Variants in LDLRAD4 observed in about 807,000 individuals in gnomAD.
LDLRAD4 encodes low density lipoprotein receptor class A domain containing 4.
Under a neutral mutation model 17.0 loss-of-function variants are expected in LDLRAD4, and 5 were observed. The ratio of observed to expected loss-of-function variants is 0.29; its 90% confidence interval spans 0.15 to 0.62. The LOEUF is 0.62. Among genes scored for constraint, LDLRAD4 ranks in the 20% least tolerant of loss-of-function variants. The pLI, the probability that LDLRAD4 is intolerant of heterozygous loss-of-function variation, is 0.84. For synonymous variants in LDLRAD4, 168 were observed against 171.8 expected (o/e 0.98, Z 0.17); for missense variants, 340 against 424.7 (o/e 0.80, Z 1.75).
chr18:13,247,303 T>A (rs1021683745), intron 1 of LDLRAD4, among the ~76,000 whole-genome samples: 2 of 152,250 alleles, frequency 1.3e-5, no homozygotes, highest in South Asian at 2.1e-4. Flanking sequence ...CCCTGCTTCC[T>A]GTAAAGGCAT....
At chr18:13,282,709 G>A (rs117199103) in intron 1 of LDLRAD4, among the ~76,000 whole-genome samples, 7,287 of 152,228 alleles carry the variant, frequency 0.048, 286 homozygotes, top group East Asian at 0.19. Context: ...CCAGGCACAC[G>A]GTACAGGCTG....
chr18:13,413,915 T>A (rs561333297), intron 2 of LDLRAD4, among the ~76,000 whole-genome samples: 113 of 150,362 alleles, frequency 7.5e-4, no homozygotes, highest in Admixed American at 1.3e-3. Context: ...AAAAAAAAAT[T>A]TTTTTTTAAA....
intron 2 of LDLRAD4, among the ~76,000 whole-genome samples, chr18:13,424,070 G>A (rs1352516535): frequency 1.3e-5 from 2 of 152,128 alleles, no homozygotes; most frequent in African/African-American, 2.4e-5. Context: ...GGGAGGTAGA[G>A]GTTGCAATGA....
chr18:13,344,398 C>A (rs1232476708), intron 1 of LDLRAD4, among the ~76,000 whole-genome samples: 1 of 152,012 alleles, frequency 6.6e-6, no homozygotes, highest in Admixed American at 6.6e-5. Context: ...GTTGTAGATG[C>A]GTGGCATTAT....
At chr18:13,277,607 C>A (rs118019060), upstream of LDLRAD4, among the ~76,000 whole-genome samples, 753 of 152,362 alleles carry the variant, frequency 4.9e-3, 4 homozygotes, top group Non-Finnish European at 6.3e-3. Context: ...TGCTAGAGGG[C>A]TTGCCTCTTC....
chr18:13,281,451 T>C lies in LDLRAD4; in HGVS notation c.-383+3263T>C, dbSNP rs186011448. Among the ~76,000 whole-genome samples the C allele has an allele frequency of 3.3e-5, 5 of 151,960 alleles. No individual in the cohort carries two copies. In the East Asian group the frequency reaches 5.8e-4, roughly 18 times the overall value. On this transcript the variant is annotated intron_variant, in intron 1 of 5. Coordinates refer to ENST00000359446, the Ensembl canonical transcript of LDLRAD4. ...AACAAAAAATACCCACAAAAGACAA[T>C]TGGAGTTGTCATGTGAATGACCATC...
At chr18:13,313,460 TC>T (rs1188315859) in intron 1 of LDLRAD4, among the ~76,000 whole-genome samples, 1 of 152,170 alleles carries the variant, frequency 6.6e-6, no homozygotes, top group African/African-American at 2.4e-5. Context: ...GAACACTTCT[TC>T]CTGTTGCAAG....
intron 3 of LDLRAD4, among the ~76,000 whole-genome samples, chr18:13,574,469 A>G (rs1362660816): frequency 1.3e-5 from 2 of 152,186 alleles, no homozygotes; most frequent in Non-Finnish European, 2.9e-5. Context: ...GGGAGCAGGA[A>G]CTATGTCCTG....
intron 3 of LDLRAD4, among the ~76,000 whole-genome samples, chr18:13,595,310 G>T (rs1170576349): frequency 1.3e-5 from 2 of 151,908 alleles, no homozygotes; most frequent in African/African-American, 2.4e-5. Flanking sequence ...AGAAGATTAG[G>T]TTATTAATTT....
At chr18:13,522,450 T>G (rs977462350) in intron 3 of LDLRAD4, 1 of 152,122 alleles carries the variant, frequency 6.6e-6, no homozygotes, top group African/African-American at 2.4e-5. Flanking sequence ...CTGCAGGTCC[T>G]TGGAAGGGCT....
At chr18:13,255,096 G>A (rs1476131963) in intron 1 of LDLRAD4, among the ~76,000 whole-genome samples, 3 of 152,216 alleles carry the variant, frequency 2.0e-5, no homozygotes, top group Non-Finnish European at 4.4e-5. Context: ...GTGAGGGCTC[G>A]AGACTAAGGG....
chr18:13,562,142 C>G (rs182675182), intron 3 of LDLRAD4, among the ~76,000 whole-genome samples: 1 of 152,334 alleles, frequency 6.6e-6, no homozygotes, highest in Admixed American at 6.5e-5. Context: ...GGACAAGTTG[C>G]TTGATGTCTC....
chr18:13,402,860 T>C (rs989307074), intron 2 of LDLRAD4, among the ~76,000 whole-genome samples: 2 of 152,190 alleles, frequency 1.3e-5, no homozygotes, highest in African/African-American at 4.8e-5. Flanking sequence ...AAAACATGCT[T>C]ATCACATTTG....
chr18:13,250,083 T>TA (rs1378814997), intron 1 of LDLRAD4, among the ~76,000 whole-genome samples: 1 of 152,222 alleles, frequency 6.6e-6, no homozygotes, highest in African/African-American at 2.4e-5. Flanking sequence ...AGAATGTCCT[T>TA]AATGAGTGTT....
chr18:13,361,159 G>T (rs763404212), intron 1 of LDLRAD4, among the ~76,000 whole-genome samples: 1 of 152,086 alleles, frequency 6.6e-6, no homozygotes, highest in Non-Finnish European at 1.5e-5. Flanking sequence ...ACTTCTACAA[G>T]CTCCGCCTCC....
At chr18:13,548,304 C>T (rs1176930332) in intron 3 of LDLRAD4, among the ~76,000 whole-genome samples, 1 of 152,196 alleles carries the variant, frequency 6.6e-6, no homozygotes, top group Non-Finnish European at 1.5e-5. Flanking sequence ...CACCAGGGAC[C>T]TGCCCCTTTC....
At chr18:13,504,375 CAGAG>C (rs1163428717) in intron 3 of LDLRAD4, among the ~76,000 whole-genome samples, 3 of 152,194 alleles carry the variant, frequency 2.0e-5, no homozygotes, top group African/African-American at 7.2e-5. Context: ...GTTGCAAACT[CAGAG>C]AGAACTAAGC....
intron 3 of LDLRAD4, among the ~76,000 whole-genome samples, chr18:13,446,709 G>A (rs1273013269): frequency 6.6e-6 from 1 of 152,222 alleles, no homozygotes; most frequent in African/African-American, 2.4e-5. Flanking sequence ...GAGAGGCAGC[G>A]TGGCTTCAGC....
chr18:13,602,235 T>C (rs1347316059), intron 3 of LDLRAD4, among the ~76,000 whole-genome samples: 1 of 152,020 alleles, frequency 6.6e-6, no homozygotes, highest in Non-Finnish European at 1.5e-5. Flanking sequence ...GGAGACAAGA[T>C]CAATAGAAGC....
Sources: gnomAD v4.1 joint callset for allele counts (sites outside exome capture counted in the v4.1 genomes callset) on GRCh38, gnomAD v4.1.1 for gene constraint, MANE v1.5 for transcripts, NCBI Gene and HGNC (gene_info 2026-07-23, HGNC 2026-07-21) for gene names.